Variants in EFCAB6 observed in about 807,000 individuals in gnomAD.
The protein encoded by EFCAB6 is EF-hand calcium-binding domain-containing protein 6.
A neutral mutation model predicts 169.8 loss-of-function variants in EFCAB6; 156 were observed. The ratio of observed to expected loss-of-function variants is 0.92; its 90% CI spans 0.81 to 1.05. The LOEUF is 1.05. Among genes scored for constraint, EFCAB6 ranks in the 50% least tolerant of loss-of-function variants. The pLI, the probability that EFCAB6 is intolerant of heterozygous loss-of-function variation, is 0.00. For synonymous variants in EFCAB6, 698 were observed against 676.4 expected, an observed-to-expected ratio of 1.03 and a Z score of -0.50; for missense variants, 1,800 against 1,829.1, an observed-to-expected ratio of 0.98 and a Z score of 0.29.
At chr22:43,548,539 C>CAAAAAAAAAAAAAAAAAAAAAAAA (rs397868076) in intron 27 of EFCAB6, among the ~76,000 whole-genome samples, 8 of 36,750 alleles carry the variant, frequency 2.2e-4, no homozygotes, top group Admixed American at 5.0e-4. Flanking sequence ...GAATCCATCT[C>CAAAAAAAAAAAAAAAAAAAAAAAA]AAAAAAAAAA....
intron 3 of EFCAB6, among the ~76,000 whole-genome samples, chr22:43,775,829 G>C (rs770878107): frequency 1.2e-4 from 18 of 152,202 alleles, no homozygotes; most frequent in Non-Finnish European, 1.9e-4. Flanking sequence ...CCACATATAG[G>C]AGTTCTGGGC....
chr22:43,535,919 T>G (rs778941539), intron 29 of EFCAB6: 1 of 152,206 alleles, frequency 6.6e-6, no homozygotes, highest in South Asian at 2.1e-4. Flanking sequence ...CGGGGGCCCA[T>G]GGAACCCCAA....
At chr22:43,737,184 G>C (rs2060171280) in intron 6 of EFCAB6, among the ~76,000 whole-genome samples, 1 of 152,046 alleles carries the variant, frequency 6.6e-6, no homozygotes, top group Non-Finnish European at 1.5e-5. Flanking sequence ...ACACCTCCCT[G>C]GCTCTCCTAA....
At chr22:43,675,405 A>G (rs1298374054) in intron 13 of EFCAB6, among the ~76,000 whole-genome samples, 1 of 120,044 alleles carries the variant, frequency 8.3e-6, no homozygotes, top group Non-Finnish European at 1.8e-5. Flanking sequence ...ATAATATAAT[A>G]TAGGATTTAT....
At chr22:43,787,352 G>GCACACACA (rs61585162) in intron 2 of EFCAB6, among the ~76,000 whole-genome samples, 1 of 146,770 alleles carries the variant, frequency 6.8e-6, no homozygotes, top group East Asian at 2.0e-4. Flanking sequence ...ACACACATAT[G>GCACACACA]CACACACACA....
chr22:43,577,100 G>A (rs1284642309), intron 25 of EFCAB6, among the ~76,000 whole-genome samples: 1 of 152,204 alleles, frequency 6.6e-6, no homozygotes, highest in Admixed American at 6.5e-5. Flanking sequence ...CTTGCATCAT[G>A]AGAAGCTGCC....
chr22:43,752,471 C>T (rs74572820), intron 6 of EFCAB6, among the ~76,000 whole-genome samples: 17,954 of 152,212 alleles, frequency 0.12, 1,143 homozygotes, highest in Middle Eastern at 0.18. Flanking sequence ...TTCAGACATC[C>T]GCCCTTCTTG....
At chr22:43,678,190 A>T in intron 12 of EFCAB6, 27 bp from the exon 13 acceptor site, 2 of 1,316,734 alleles carry the variant, frequency 1.5e-6, no homozygotes, top group African/African-American at 1.6e-5. Context: ...ATATAAGGGA[A>T]TTTTTGAAAA....
chr22:43,544,693 T>C (rs2047940689), intron 27 of EFCAB6, among the ~76,000 whole-genome samples: 1 of 152,050 alleles, frequency 6.6e-6, no homozygotes, highest in Non-Finnish European at 1.5e-5. Context: ...TTCCAGAGCT[T>C]CTGTAAGATC....
chr22:43,772,135 C>G (rs901015194), intron 4 of EFCAB6, among the ~76,000 whole-genome samples: 1 of 152,204 alleles, frequency 6.6e-6, no homozygotes, highest in South Asian at 2.1e-4. Flanking sequence ...GGCCCCTCTC[C>G]CAGCACTTGC....
At chr22:43,568,629 A>G (rs982741610) in intron 26 of EFCAB6, among the ~76,000 whole-genome samples, 2 of 152,038 alleles carry the variant, frequency 1.3e-5, no homozygotes, top group African/African-American at 4.8e-5. Context: ...CGGAGTGGTG[A>G]TTAACACAAG....
chr22:43,798,342 A>G (rs2148160280), intron 2 of EFCAB6, among the ~76,000 whole-genome samples: 1 of 149,238 alleles, frequency 6.7e-6, no homozygotes, highest in African/African-American at 2.5e-5. Flanking sequence ...ATAGAGCGAG[A>G]CTCCATCTCA....
intron 6 of EFCAB6, among the ~76,000 whole-genome samples, chr22:43,738,346 A>G (rs1028391350): frequency 6.0e-5 from 9 of 151,012 alleles, no homozygotes; most frequent in Non-Finnish European, 1.3e-4. Flanking sequence ...ACCTGCATAT[A>G]CTCATTCACA....
rs531943476 is a variant in EFCAB6 at position 43,541,189 on chromosome 22, C to A, written c.3649-832G>T. ...TTCCTTCCTTCCCATCCTGCGCTTT[C>A]CCCTGGAAGCCTGGGCTCTGCCAGA... On this transcript the variant is annotated intron_variant, in intron 27 of 31. Transcript: ENST00000262726. Among the ~76,000 whole-genome samples the A allele has an allele frequency of 7.0e-4, 106 of 152,280 alleles. 2 individuals carry two copies. Among genetic ancestry groups the A allele is most frequent in the African/African-American group, 2.5e-3 (104 of 41,560 alleles).
At position 43,632,213 on chromosome 22, in the gene EFCAB6, G is replaced by T; in HGVS notation, c.2124C>A (p.Thr708=). ...FEDPPMRGPE[T]TPPQPPTPSK... Reference sequence around the variant, plus strand: ...AAGGAGTTGGAGGCTGCGGCGGAGTGGTTTCCGGCCCTCTCATTGGAGGAT... The same window carrying T: ...AAGGAGTTGGAGGCTGCGGCGGAGTTGTTTCCGGCCCTCTCATTGGAGGAT... The change falls in exon 19 of 32, where the codon ACC becomes ACA. Residue 708 remains threonine, a synonymous_variant. Coordinates refer to ENST00000262726, the MANE Select transcript of EFCAB6 (RefSeq NM_022785.4). 6.2e-7 allele frequency: 1 copy of T among 1,613,616 alleles called. No individual in the cohort carries two copies. The highest frequency in any genetic ancestry group is 8.5e-7 in the Non-Finnish European group (1 of 1,179,764).
intron 4 of EFCAB6, among the ~76,000 whole-genome samples, chr22:43,771,904 C>T (rs965203363): frequency 6.6e-6 from 1 of 152,242 alleles, no homozygotes; most frequent in Non-Finnish European, 1.5e-5. Context: ...CACAGAACTA[C>T]CCAGGTCCCT....
intron 24 of EFCAB6, among the ~76,000 whole-genome samples, chr22:43,589,749 C>G (rs1339476261): frequency 6.6e-6 from 1 of 152,156 alleles, no homozygotes; most frequent in Non-Finnish European, 1.5e-5. Context: ...GATCGCACCA[C>G]TGCACTCCAG....
chr22:43,666,893 A>T (rs1228098227), intron 17 of EFCAB6, among the ~76,000 whole-genome samples: 2 of 152,048 alleles, frequency 1.3e-5, no homozygotes, highest in African/African-American at 2.4e-5. Flanking sequence ...AAATATCAAA[A>T]GCTGGCCACA....
At position 43,608,517 on chromosome 22, in the gene EFCAB6, G is replaced by T; in HGVS notation, c.2646C>A (p.Pro882=). The change falls in exon 22 of 32, where the codon CCC becomes CCA. Residue 882 remains proline (P), a synonymous_variant. Transcript: ENST00000262726. ...GCTTTTCAAACTCTCTTGGTGTGAG[G>T]GGAATATCAAAACCGTACAGTGCGT... ...IKNALYGFDI[P]LTPREFEKLW... 1 of 1,614,118 alleles carries T rather than the reference G, an allele frequency of 6.2e-7. No homozygotes were observed. Among genetic ancestry groups the T allele is most frequent in the African/African-American group, 1.3e-5 (1 of 75,024 alleles).
Sources: allele counts gnomAD v4.1 joint callset (sites outside exome capture counted in the v4.1 genomes callset), GRCh38; gene constraint gnomAD v4.1.1; transcripts MANE v1.5; gene names NCBI Gene and HGNC (gene_info 2026-07-23, HGNC 2026-07-21).